Variants in NEK7 observed in about 807,000 individuals in gnomAD.
NEK7 encodes serine/threonine-protein kinase Nek7.
NEK7 carries 18 observed loss-of-function variants against 44.6 expected under a neutral mutation model. The ratio of observed to expected loss-of-function variants is 0.40; its 90% confidence interval spans 0.28 to 0.60. The LOEUF (loss-of-function observed/expected upper bound fraction) is 0.60. Ranked by LOEUF, NEK7 falls within the 20% of genes least tolerant of loss-of-function variation. NEK7 has a pLI of 0.38. For missense variants in NEK7, 256 were observed against 366.5 expected, an observed-to-expected ratio of 0.70 and a Z score of 2.46; for synonymous variants, 130 against 121.1, an observed-to-expected ratio of 1.07 and a Z score of -0.48.
At chr1:198,184,679 A>G (rs560890393) in intron 1 of NEK7, among the ~76,000 whole-genome samples, 9 of 152,030 alleles carry the variant, frequency 5.9e-5, no homozygotes, top group Non-Finnish European at 1.3e-4. Context: ...CACAATATAT[A>G]TATTTTTAAG....
At chr1:198,252,569 A>ATATATAT (rs1558079353) in intron 2 of NEK7, among the ~76,000 whole-genome samples, 293 of 20,912 alleles carry the variant, frequency 0.014, 4 homozygotes, top group Admixed American at 0.021. Context: ...TATATATATA[A>ATATATAT]AAAGTACATA....
intron 1 of NEK7, among the ~76,000 whole-genome samples, chr1:198,219,109 G>A (rs1392310467): frequency 6.6e-6 from 1 of 151,762 alleles, no homozygotes; most frequent in East Asian, 1.9e-4. Flanking sequence ...GCTTGCACGT[G>A]TATGTTTATT....
intron 2 of NEK7, among the ~76,000 whole-genome samples, chr1:198,252,553 T>TATATATATATATACAC (rs1653072418): frequency 1.6e-5 from 1 of 61,786 alleles, no homozygotes; most frequent in Non-Finnish European, 2.5e-5. Context: ...TATATATATA[T>TATATATATATATACAC]ATATATATAT....
chr1:198,250,380 T>C (rs1035691389), intron 2 of NEK7, among the ~76,000 whole-genome samples: 46 of 152,172 alleles, frequency 3.0e-4, no homozygotes, highest in Non-Finnish European at 6.2e-4. Flanking sequence ...TTTGGTTCCA[T>C]ATGAACTTTA....
At chr1:198,231,326 T>TAC (rs1319457484) in intron 1 of NEK7, among the ~76,000 whole-genome samples, 1 of 138,312 alleles carries the variant, frequency 7.2e-6, no homozygotes. Context: ...TATATATATA[T>TAC]ATATATATAT....
chr1:198,263,815 C>T (rs144323648), intron 4 of NEK7, among the ~76,000 whole-genome samples: 2 of 151,860 alleles, frequency 1.3e-5, no homozygotes, highest in East Asian at 1.9e-4. Flanking sequence ...CAGTTGGCGA[C>T]CTAATTCTAT....
intron 9 of NEK7, among the ~76,000 whole-genome samples, chr1:198,306,703 A>C (rs1213520539): frequency 6.6e-6 from 1 of 152,184 alleles, no homozygotes; most frequent in Non-Finnish European, 1.5e-5. Flanking sequence ...ATATGAATTC[A>C]CATTTTTAAA....
intron 1 of NEK7, among the ~76,000 whole-genome samples, chr1:198,164,734 C>T (rs986957457): frequency 5.9e-5 from 9 of 152,254 alleles, no homozygotes; most frequent in Middle Eastern, 3.4e-3. Flanking sequence ...TAAATGATTA[C>T]GGTGACGGTC....
At chr1:198,186,665 T>G (rs987387906) in intron 1 of NEK7, among the ~76,000 whole-genome samples, 1 of 152,154 alleles carries the variant, frequency 6.6e-6, no homozygotes, top group East Asian at 1.9e-4. Flanking sequence ...GAACTCAAAT[T>G]TTCATATGAG....
intron 1 of NEK7, among the ~76,000 whole-genome samples, chr1:198,169,437 A>C (rs1664368390): frequency 1.3e-5 from 2 of 152,234 alleles, no homozygotes; most frequent in Admixed American, 1.3e-4. Context: ...TTAATTGCAG[A>C]ATATGAGAAT....
intron 2 of NEK7, among the ~76,000 whole-genome samples, chr1:198,238,478 C>CTG (rs202026979): frequency 0.14 from 20,873 of 152,038 alleles, 2,071 homozygotes; most frequent in East Asian, 0.57. Context: ...AATTTAACCC[C>CTG]TGACCCACTC....
At chr1:198,231,305 A>G (rs1381173572) in intron 1 of NEK7, among the ~76,000 whole-genome samples, 182 of 87,976 alleles carry the variant, frequency 2.1e-3, no homozygotes, top group Non-Finnish European at 3.1e-3. Flanking sequence ...GTGTGTGTAT[A>G]TATATATATA....
Position 198,278,971 on chromosome 1 carries a change from G to A in NEK7, c.499G>A (p.Val167Met), listed in dbSNP as rs952495056. 2.8e-5 allele frequency: 45 copies of A among 1,603,998 alleles called. No homozygotes were observed. Among genetic ancestry groups the A allele is most frequent in the Non-Finnish European group, 3.8e-5 (44 of 1,172,566 alleles). Residue 167 changes from valine to methionine, a missense_variant, in exon 7 of 10, where the codon GTG becomes ATG. By Grantham distance (21) the Val-to-Met change is conservative (BLOSUM62 1). Transcript: ENST00000367385. ...ATTCACAGATATAAAACCAGCTAAT[G>A]TGTTCATTACAGCCACTGGGGTGGT... Reference protein sequence around the residue: ...VMHRDIKPANVFITATGVVKL... With the variant: ...VMHRDIKPANMFITATGVVKL...
chr1:198,221,388 T>G (rs1402467733), intron 1 of NEK7, among the ~76,000 whole-genome samples: 1 of 151,862 alleles, frequency 6.6e-6, no homozygotes, highest in African/African-American at 2.4e-5. Context: ...ATATATAGAA[T>G]GAAGTATTTT....
At chr1:198,197,898 G>T in intron 1 of NEK7, 1 of 1,200,238 alleles carries the variant, frequency 8.3e-7, no homozygotes, top group Non-Finnish European at 1.2e-6. Context: ...ATCACTCCTA[G>T]TCCGAACATG....
chr1:198,230,238 AT>A (rs1233878320), intron 1 of NEK7, among the ~76,000 whole-genome samples: 1 of 152,148 alleles, frequency 6.6e-6, no homozygotes, highest in Non-Finnish European at 1.5e-5. Context: ...TTAATATTGG[AT>A]TTCATGCTAA....
At chr1:198,258,265 C>A (rs369035213) in intron 3 of NEK7, among the ~76,000 whole-genome samples, 2 of 152,236 alleles carry the variant, frequency 1.3e-5, no homozygotes, top group African/African-American at 4.8e-5. Flanking sequence ...ATGGTGAAAC[C>A]CTGTCTCTAC....
chr1:198,186,270 T>C (rs1664923670), intron 1 of NEK7, among the ~76,000 whole-genome samples: 1 of 152,194 alleles, frequency 6.6e-6, no homozygotes, highest in South Asian at 2.1e-4. Context: ...CGGTTGTATG[T>C]GATGTATGGC....
At chr1:198,294,305 C>T (rs1654647822) in intron 8 of NEK7, among the ~76,000 whole-genome samples, 1 of 151,914 alleles carries the variant, frequency 6.6e-6, no homozygotes, top group Non-Finnish European at 1.5e-5. Flanking sequence ...AAATTACGCT[C>T]ACTGTGTTAT....
Sources: gnomAD v4.1 joint callset for allele counts (sites outside exome capture counted in the v4.1 genomes callset) on GRCh38, gnomAD v4.1.1 for gene constraint, MANE v1.5 for transcripts, NCBI Gene and HGNC (gene_info 2026-07-23, HGNC 2026-07-21) for gene names.